Variants in PYGM observed in about 807,000 individuals in gnomAD.
PYGM encodes glycogen phosphorylase, muscle associated.
A neutral mutation model predicts 99.3 loss-of-function variants in PYGM; 81 were observed. That is an observed-to-expected ratio of 0.82 (90% CI 0.68 to 0.98). The LOEUF (loss-of-function observed/expected upper bound fraction) is 0.98, where lower values mean the gene tolerates loss of function less well. PYGM is among the 50% of genes least tolerant of loss of function. The probability of loss-of-function intolerance (pLI) is 0.00; values close to 1 mark genes in which losing one functional copy is unlikely to be tolerated. For synonymous variants in PYGM, 436 were observed against 451.5 expected, an observed-to-expected ratio of 0.97 and a Z score of 0.44; for missense variants, 1,030 against 1,158.1, an observed-to-expected ratio of 0.89 and a Z score of 1.61.
intron 1 of PYGM, 113 bp from the exon 2 acceptor site, chr11:64,758,817 C>A (rs2058413627): frequency 1.1e-5 from 10 of 926,234 alleles, no homozygotes; most frequent in South Asian, 8.1e-5. Context: ...GCAGTCCCAT[C>A]CCTGTCCCCA....
chr11:64,746,790 G>T lies in PYGM; in HGVS notation c.2398C>A (p.Arg800=), dbSNP rs759260599. The T allele has an allele frequency of 6.2e-7, 1 of 1,614,136 alleles. No individual in the cohort carries two copies. Among genetic ancestry groups the T allele is most frequent in the Non-Finnish European group, 8.5e-7 (1 of 1,180,020 alleles). The change falls in exon 20 of 20, where the codon CGG becomes AGG. Residue 800 remains arginine, a synonymous_variant. Coordinates refer to ENST00000164139, the MANE Select transcript of PYGM (RefSeq NM_005609.4). ...ALYKNPREWT[R]MVIRNIATSG... is the part of the protein sequence containing the mutation. ...GTGGCTATGTTCCGGATCACCATCC[G>T]CGTCCACTCTCTTGGGTTCTGCAGG...
intron 1 of PYGM, 91 bp downstream of exon 1, chr11:64,759,565 G>A (rs1201546698): frequency 2.5e-6 from 4 of 1,577,122 alleles, no homozygotes; most frequent in Non-Finnish European, 2.6e-6. Context: ...CAAGAACCTA[G>A]AGTGACGAGG....
rs116928003 is a variant in PYGM, at chr11:64,755,747, C to A, written c.661-189G>T. Among the ~76,000 whole-genome samples, 3 of 152,332 alleles carry A rather than the reference C, an allele frequency of 2.0e-5. No individual in the cohort carries two copies. The highest frequency in any genetic ancestry group is 4.4e-5 in the Non-Finnish European group (3 of 68,036). On this transcript the variant is annotated intron_variant, in intron 5 of 19. Coordinates refer to ENST00000164139, the MANE Select transcript of PYGM (RefSeq NM_005609.4). The surrounding 1 kb of genome is among the most constrained non-coding windows in gnomAD (Gnocchi z 4.1). ...TGGACCGCATCTAGAGCAAAGACAC[C>A]CTCAACACCTCCCCGACACCCATAA...
intron 5 of PYGM, among the ~76,000 whole-genome samples, chr11:64,757,357 T>G (rs1421137774): frequency 1.3e-5 from 2 of 152,130 alleles, no homozygotes; most frequent in Non-Finnish European, 2.9e-5. Context: ...TGTGTCTAGA[T>G]TTGGTTTGGT....
rs1341970396 is a variant in PYGM at position 64,758,440 on chromosome 11, C to T, written c.421G>A (p.Ala141Thr). 8 of 1,613,772 alleles carry T rather than the reference C, an allele frequency of 5.0e-6. No homozygotes were observed. Among genetic ancestry groups the T allele is most frequent in the East Asian group, 2.2e-5 (1 of 44,896 alleles). ...CCTCACGGCCCTGTCTTCTTACCTG[C>T]CAGCCGGCCCAGGCCCCCGTTGCCC... ...GLGNGGLGRL[A>T]ACFLDSMATL... Residue 141 changes from alanine to threonine, a missense_variant, in exon 3 of 20, where the codon GCA becomes ACA. Coordinates refer to ENST00000164139, the MANE Select transcript of PYGM (RefSeq NM_005609.4).
Position 64,755,282 on chromosome 11 carries a change from G to A in PYGM, c.846C>T (p.Pro282=). The A allele has an allele frequency of 1.2e-6, 2 of 1,613,930 alleles. No homozygotes were observed. The highest frequency in any genetic ancestry group is 1.7e-6 in the Non-Finnish European group (2 of 1,179,858). Residue 282 remains proline, a synonymous_variant, in exon 7 of 20, where the codon CCC becomes CCT. Transcript: ENST00000164139. The surrounding 1 kb of genome is among the most constrained non-coding windows in gnomAD (Gnocchi z 4.1). Reference sequence around the variant, plus strand: ...CCAGGGGGTGACGCACATTATCATTGGGGTACAGGACACGAGAGATGTTCT... The same window carrying A: ...CCAGGGGGTGACGCACATTATCATTAGGGTACAGGACACGAGAGATGTTCT... ...LAENISRVLY[P]NDNFFEGKEL...
rs2058407169 is a variant in PYGM at position 64,758,252 on chromosome 11, GC to G, written c.521del (p.Gly174AlafsTer121). On this transcript the variant is annotated frameshift_variant, in exon 4 of 20. Transcript: ENST00000164139. LOFTEE classifies it high-confidence loss of function. Reference sequence around the variant, plus strand: ...TAGAGCCAAGGCTGCTCACCTGCCAGCCCCCGGAGATCTTCTGGTTAAAAAT... The same window carrying G: ...TAGAGCCAAGGCTGCTCACCTGCCAGCCCCGGAGATCTTCTGGTTAAAAAT... ...FGIFNQKISG[G>X]WQMEEADDWL... 6.2e-7 allele frequency: 1 copy of G among 1,612,226 alleles called. No individual in the cohort carries two copies. Among genetic ancestry groups the G allele is most frequent in the Non-Finnish European group, 8.5e-7 (1 of 1,178,224 alleles).
In PYGM at chr11:64,759,791, C is replaced by A. The variant is rs2058422189; in HGVS notation, c.108G>T (p.Leu36=). 1 of 1,614,232 alleles carries A rather than the reference C, an allele frequency of 6.2e-7. No homozygotes were observed. Among genetic ancestry groups the A allele is most frequent in the East Asian group, 2.2e-5 (1 of 44,882 alleles). ...TELKKNFNRH[L]HFTLVKDRNV... is the part of the protein sequence containing the mutation. The stretch of plus-strand genomic sequence containing the variant: ...TGCGGTCCTTTACGAGTGTGAAATG[C>A]AGGTGCCGGTTGAAGTTCTTTTTCA... The change falls in exon 1 of 20, where the codon CTG becomes CTT. Residue 36 remains leucine, a synonymous_variant. Coordinates refer to ENST00000164139, the MANE Select transcript of PYGM (RefSeq NM_005609.4).
upstream of PYGM, chr11:64,760,209 T>G: frequency 2.6e-6 from 1 of 380,910 alleles, no homozygotes; most frequent in Non-Finnish European, 5.0e-6. Flanking sequence ...TTCTGTCCCT[T>G]GTCCCTGCCT....
intron 17 of PYGM, among the ~76,000 whole-genome samples, chr11:64,749,994 G>A (rs1030152542): frequency 2.4e-4 from 36 of 151,968 alleles, no homozygotes; most frequent in Non-Finnish European, 4.1e-4. Flanking sequence ...GGGTTTCACC[G>A]TGTTAGCCAG....
chr11:64,746,590 T>C lies in PYGM; in HGVS notation c.*69A>G, dbSNP rs1274856840. The stretch of plus-strand genomic sequence containing the variant: ...TAACTCCAGTACCCCACCCTCTGCA[T>C]GAGGTGCTGGGGCTGGCCCAAGAGA... On this transcript the variant is annotated 3_prime_UTR_variant, in exon 20 of 20. Coordinates refer to ENST00000164139, the MANE Select transcript of PYGM (RefSeq NM_005609.4). 1.3e-6 allele frequency: 2 copies of C among 1,590,538 alleles called. No individual in the cohort carries two copies. The highest frequency in any genetic ancestry group is 3.3e-5 in the Admixed American group (2 of 59,970).
In PYGM at chr11:64,754,164, C is replaced by G; in HGVS notation, c.1092+89G>C. 1 of 1,578,434 alleles carries G rather than the reference C, an allele frequency of 6.3e-7. No homozygotes were observed. The highest frequency in any genetic ancestry group is 2.2e-5 in the East Asian group (1 of 44,666). ...CTGGCCTCAGGCTCTGATCCCTTCACTCCATTCATATCCTCCCACGCTCCC... is the reference window on the plus strand; with the variant it reads ...CTGGCCTCAGGCTCTGATCCCTTCAGTCCATTCATATCCTCCCACGCTCCC... On this transcript the variant is annotated intron_variant, in intron 9 of 19. Transcript: ENST00000164139. The surrounding 1 kb of genome is among the most constrained non-coding windows in gnomAD (Gnocchi z 5.5).
At chr11:64,751,138 C>T (rs950865032) in intron 16 of PYGM, 187 bp downstream of exon 16, 56 of 806,712 alleles carry the variant, frequency 6.9e-5, no homozygotes, top group Non-Finnish European at 1.0e-4. Context: ...GTGATCCACC[C>T]ACCTTGGCCT....
chr11:64,750,474 C>T lies in PYGM; in HGVS notation c.2079G>A (p.Met693Ile). 6.2e-7 allele frequency: 1 copy of T among 1,614,202 alleles called. No homozygotes were observed. Among genetic ancestry groups the T allele is most frequent in the Non-Finnish European group, 8.5e-7 (1 of 1,180,018 alleles). The change falls in exon 17 of 20, where the codon ATG becomes ATA. Residue 693 changes from methionine to isoleucine, a missense_variant. Transcript: ENST00000164139. ...CTGCCATCTCCACATTGGCCCCGTC[C>T]ATGGTGCCAATGGTCAGAGCCCCGT... Reference protein sequence around the residue: ...MLNGALTIGTMDGANVEMAEE... With the variant: ...MLNGALTIGTIDGANVEMAEE...
chr11:64,747,174 C>G (rs762719220), intron 18 of PYGM, 50 bp downstream of exon 18: 2 of 1,608,348 alleles, frequency 1.2e-6, no homozygotes, highest in East Asian at 2.2e-5. Context: ...ACCTGAGCCT[C>G]GATCTGCCCT....
chr11:64,749,374 G>A (rs1334009479), intron 17 of PYGM, among the ~76,000 whole-genome samples: 1 of 150,650 alleles, frequency 6.6e-6, no homozygotes, highest in Non-Finnish European at 1.5e-5. Context: ...CGGGCGCAGT[G>A]GCTCACGCCT....
At position 64,753,646 on chromosome 11, in the gene PYGM, G is replaced by GC. The variant is rs2135833290; in HGVS notation, c.1275dup (p.Leu426AlafsTer49). 1 of 1,608,780 alleles carries GC rather than the reference G, an allele frequency of 6.2e-7. No homozygotes were observed. Among genetic ancestry groups the GC allele is most frequent in the Non-Finnish European group, 8.5e-7 (1 of 1,179,362 alleles). ...TCCTCCACCAGCGACATGCGCCGCA[G>GC]CCGGTCTACGTCCCCTGGGAATGCG... On this transcript the variant is annotated frameshift_variant, in exon 11 of 20. Transcript: ENST00000164139. LOFTEE classifies it high-confidence loss of function.
Position 64,746,603 on chromosome 11 carries a change from C to T in PYGM, c.*56G>A. 6.2e-7 allele frequency: 1 copy of T among 1,610,174 alleles called. No homozygotes were observed. The highest frequency in any genetic ancestry group is 1.1e-5 in the South Asian group (1 of 91,036). On this transcript the variant is annotated 3_prime_UTR_variant, in exon 20 of 20. Transcript: ENST00000164139. ...CCACCCTCTGCATGAGGTGCTGGGGCTGGCCCAAGAGAGTGTGACAGACTC... is the reference window on the plus strand; with the variant it reads ...CCACCCTCTGCATGAGGTGCTGGGGTTGGCCCAAGAGAGTGTGACAGACTC...
At chr11:64,750,231 T>A (rs1159795260) in intron 17 of PYGM, 145 bp downstream of exon 17, 9 of 865,024 alleles carry the variant, frequency 1.0e-5, no homozygotes, top group Non-Finnish European at 1.8e-5. Context: ...GTAAGCGCCC[T>A]CTAAAGTTTC....
Sources: gnomAD v4.1 joint callset for allele counts (sites outside exome capture counted in the v4.1 genomes callset) on GRCh38, gnomAD v4.1.1 for gene constraint, Gnocchi (gnomAD v3.1) non-coding constraint, MANE v1.5 for transcripts, NCBI Gene and HGNC (gene_info 2026-07-23, HGNC 2026-07-21) for gene names.